CIT: variants seen among roughly 807,000 people sequenced by gnomAD.
The protein encoded by CIT is citron rho-interacting serine/threonine kinase.
A neutral mutation model predicts 272.7 loss-of-function variants in CIT; 79 were observed. The observed-to-expected ratio is 0.29, with a 90% confidence interval of 0.24 to 0.35. The LOEUF (loss-of-function observed/expected upper bound fraction) is 0.35, where lower values mean the gene tolerates loss of function less well. CIT is among the 10% of genes least tolerant of loss of function. The pLI, the probability that CIT is intolerant of heterozygous loss-of-function variation, is 1.00. For missense variants in CIT, 1,909 were observed against 2,618.3 expected (o/e 0.73, Z 5.91); for synonymous variants, 948 against 995.6 (o/e 0.95, Z 0.90).
rs891520911 is a variant in CIT at position 119,710,118 on chromosome 12, T to C, written c.5071+133A>G. The C allele has an allele frequency of 1.2e-4, 122 of 981,226 alleles. No individual in the cohort carries two copies. Among genetic ancestry groups the C allele is most frequent in the Admixed American group, 7.0e-4 (31 of 44,462 alleles). 60.8% of individuals were successfully genotyped at this position (981,226 alleles called of 1,614,324 possible). A position where few individuals can be genotyped will look rare whatever the true frequency, so the allele number is the denominator to read the frequency against. On this transcript the variant is annotated intron_variant, in intron 39 of 47. Coordinates refer to ENST00000392521, the MANE Select transcript of CIT (RefSeq NM_001206999.2). This position sits in a 1 kb window ranked among gnomAD's most constrained non-coding sequence, Gnocchi z 5.6. ...GGGTCCATTAGCTGAGGCTTGGGCATCTATGGGGACACAGAGATAAGAGCT... is the reference window on the plus strand; with the variant it reads ...GGGTCCATTAGCTGAGGCTTGGGCACCTATGGGGACACAGAGATAAGAGCT...
chr12:119,710,194 T>C lies in CIT; in HGVS notation c.5071+57A>G. 1.0e-5 allele frequency: 16 copies of C among 1,583,826 alleles called. No individual in the cohort carries two copies. The highest frequency in any genetic ancestry group is 1.4e-5 in the Non-Finnish European group (16 of 1,165,752). The stretch of plus-strand genomic sequence containing the variant: ...TGTTTTACGAGCATGAAACGTGGCT[T>C]CAACATATTGGCTCCCTTGAAAGTA... On this transcript the variant is annotated intron_variant, in intron 39 of 47. Coordinates refer to ENST00000392521, the MANE Select transcript of CIT (RefSeq NM_001206999.2). The surrounding 1 kb of genome is among the most constrained non-coding windows in gnomAD (Gnocchi z 5.6).
chr12:119,866,418 T>C (rs867963988), intron 3 of CIT, among the ~76,000 whole-genome samples: 6 of 152,220 alleles, frequency 3.9e-5, no homozygotes, highest in Admixed American at 6.5e-5. Flanking sequence ...GAGGCTGTCC[T>C]GCTAGAGAGA....
chr12:119,831,827 G>A (rs913420747), intron 7 of CIT, among the ~76,000 whole-genome samples: 1 of 151,970 alleles, frequency 6.6e-6, no homozygotes, highest in Non-Finnish European at 1.5e-5. Context: ...CCGAGATCGC[G>A]CCACTGCACT....
At chr12:119,717,834 C>CTTTTTTTTTTTTTTTTTTTTTTTT (rs546520444) in intron 32 of CIT, among the ~76,000 whole-genome samples, 3 of 70,244 alleles carry the variant, frequency 4.3e-5, no homozygotes, top group African/African-American at 1.0e-4. Context: ...AGACTGACTT[C>CTTTTTTTTTTTTTTTTTTTTTTTT]TTTCTTTTTT....
At chr12:119,801,738 TGAGC>T (rs557664680) in intron 10 of CIT, among the ~76,000 whole-genome samples, 94 of 152,316 alleles carry the variant, frequency 6.2e-4, no homozygotes, top group African/African-American at 2.1e-3. Flanking sequence ...CCAATCCTGC[TGAGC>T]CGTTTCAAAC....
chr12:119,868,516 G>C (rs1263757236), intron 3 of CIT, among the ~76,000 whole-genome samples: 1 of 152,062 alleles, frequency 6.6e-6, no homozygotes, highest in Non-Finnish European at 1.5e-5. Context: ...CTCATTCCTG[G>C]ATTTCTCAGT....
At position 119,710,692 on chromosome 12, in the gene CIT, G is replaced by C. The variant is rs1957121362; in HGVS notation, c.4855-72C>G. On this transcript the variant is annotated intron_variant, in intron 37 of 47. Transcript: ENST00000392521. This position sits in a 1 kb window ranked among gnomAD's most constrained non-coding sequence, Gnocchi z 5.6. ...GATCTGTTTATGACCAAACCATCCA[G>C]AGAAACCAAGAGAAGGTTAAGGCCA... The C allele has an allele frequency of 2.2e-6, 3 of 1,393,138 alleles. No homozygotes were observed. The South Asian group carries it at 3.5e-5, about 16-fold the overall frequency. The allele number at this position is 1,393,138 out of a possible 1,614,324, so 86.3% of individuals were successfully genotyped here. A position where few individuals can be genotyped will look rare whatever the true frequency, so the allele number is the denominator to read the frequency against.
At chr12:119,782,420 C>T (rs560334122) in intron 13 of CIT, 98 bp downstream of exon 13, 2 of 1,412,214 alleles carry the variant, frequency 1.4e-6, no homozygotes, top group South Asian at 2.6e-5. Context: ...CTTTCTCTCT[C>T]TCCCTTTCTT....
chr12:119,829,092 A>T (rs1968398563), intron 7 of CIT, among the ~76,000 whole-genome samples: 1 of 152,204 alleles, frequency 6.6e-6, no homozygotes, highest in South Asian at 2.1e-4. Context: ...CAAAAAGCAG[A>T]TGAGGAAGAA....
chr12:119,780,012 A>G (rs1321936266), intron 13 of CIT, among the ~76,000 whole-genome samples: 3 of 152,216 alleles, frequency 2.0e-5, no homozygotes, highest in African/African-American at 7.2e-5. Flanking sequence ...GGTGTGAGTC[A>G]GGTCAGGATG....
intron 22 of CIT, among the ~76,000 whole-genome samples, chr12:119,754,384 TTCTG>T (rs1960667771): frequency 6.6e-6 from 1 of 152,200 alleles, no homozygotes; most frequent in Admixed American, 6.5e-5. Context: ...CACTGTACCC[TTCTG>T]TCTTACTAAA....
At position 119,731,813 on chromosome 12, in the gene CIT, A is replaced by AATATATATATATATATATATAT. The variant is rs57327382; in HGVS notation, c.3351-1205_3351-1184dup. ...AAAGCATAACTGTATTTCTCTCCTA[A>AATATATATATATATATATATAT]ATATATATATATATATATATATATA... On this transcript the variant is annotated intron_variant, in intron 26 of 47. Transcript: ENST00000392521. Among the ~76,000 whole-genome samples, 19 of 139,140 alleles carry AATATATATATATATATATATAT rather than the reference A, an allele frequency of 1.4e-4. 1 individual carries two copies. Among genetic ancestry groups the AATATATATATATATATATATAT allele is most frequent in the African/African-American group, 5.0e-4 (18 of 36,036 alleles). The allele number at this position is 139,140 out of a possible 152,430, so 91.3% of individuals were successfully genotyped here.
intron 5 of CIT, among the ~76,000 whole-genome samples, chr12:119,844,419 C>A (rs1398268930): frequency 6.6e-6 from 1 of 152,006 alleles, no homozygotes; most frequent in Non-Finnish European, 1.5e-5. Context: ...TGGGAAGTCA[C>A]ACTAAAGGGA....
At chr12:119,868,335 T>C (rs926090786) in intron 3 of CIT, among the ~76,000 whole-genome samples, 1 of 152,210 alleles carries the variant, frequency 6.6e-6, no homozygotes, top group East Asian at 1.9e-4. Context: ...CAAATTAAAA[T>C]TTAATTCAGT....
intron 23 of CIT, 61 bp from the exon 24 acceptor site, chr12:119,742,525 C>T (rs190854964): frequency 5.0e-5 from 65 of 1,297,188 alleles, no homozygotes; most frequent in Middle Eastern, 1.9e-4. Flanking sequence ...CTACATGCTA[C>T]GGGTCAAATA....
At chr12:119,801,566 C>A (rs1966204604) in intron 10 of CIT, among the ~76,000 whole-genome samples, 1 of 152,180 alleles carries the variant, frequency 6.6e-6, no homozygotes, top group African/African-American at 2.4e-5. Context: ...ACCCAGCCAG[C>A]CCACTGCTAA....
At chr12:119,747,836 A>G (rs1199866654) in intron 23 of CIT, among the ~76,000 whole-genome samples, 6 of 152,218 alleles carry the variant, frequency 3.9e-5, no homozygotes, top group Non-Finnish European at 2.9e-5. Context: ...TAACACAGTG[A>G]AAAGTGTTAA....
intron 3 of CIT, among the ~76,000 whole-genome samples, chr12:119,865,442 T>C (rs1430420219): frequency 1.3e-5 from 2 of 152,242 alleles, no homozygotes; most frequent in East Asian, 1.9e-4. Flanking sequence ...TTTGAAGATA[T>C]ACAATATATT....
At chr12:119,793,614 A>C (rs1965497968) in intron 10 of CIT, among the ~76,000 whole-genome samples, 2 of 152,138 alleles carry the variant, frequency 1.3e-5, no homozygotes, top group Admixed American at 1.3e-4. Flanking sequence ...CCCTACCCAA[A>C]CATGCCTTCT....
Sources: gnomAD v4.1 joint callset for allele counts (sites outside exome capture counted in the v4.1 genomes callset) on GRCh38, gnomAD v4.1.1 for gene constraint, Gnocchi (gnomAD v3.1) non-coding constraint, MANE v1.5 for transcripts, NCBI Gene and HGNC (gene_info 2026-07-23, HGNC 2026-07-21) for gene names.